Variants in BIRC6 observed in about 807,000 individuals in gnomAD.
The protein encoded by BIRC6 is baculoviral IAP repeat containing 6.
In BIRC6, 98 loss-of-function variants were observed where a neutral mutation model predicts 503.3. The ratio of observed to expected loss-of-function variants is 0.19; its 90% CI spans 0.17 to 0.23. The LOEUF (loss-of-function observed/expected upper bound fraction) is 0.23. Ranked by LOEUF, BIRC6 falls within the 10% of genes least tolerant of loss-of-function variation. The pLI, the probability that BIRC6 is intolerant of heterozygous loss-of-function variation, is 1.00. For synonymous variants in BIRC6, 2,240 were observed against 2,078.7 expected (o/e 1.08, Z -2.11); for missense variants, 5,360 against 5,806.0 (o/e 0.92, Z 2.50).
rs776703202 is a variant in BIRC6 at position 32,411,409 on chromosome 2, A to G, written c.1478-3360A>G. On this transcript the variant is annotated intron_variant, in intron 9 of 73. Transcript: ENST00000421745. ...AAATCATTAAGGCAATTATATATATATATATATATTTTATTTTTTTATTTT... is the reference window on the plus strand; with the variant it reads ...AAATCATTAAGGCAATTATATATATGTATATATATTTTATTTTTTTATTTT... Among the ~76,000 whole-genome samples the G allele has an allele frequency of 7.9e-3, 1,175 of 147,862 alleles. 9 individuals are homozygous for G. The highest frequency in any genetic ancestry group is 0.021 in the Middle Eastern group (6 of 282).
chr2:32,358,838 C>T (rs1045075964), intron 1 of BIRC6, among the ~76,000 whole-genome samples: 2 of 152,056 alleles, frequency 1.3e-5, no homozygotes, highest in African/African-American at 4.8e-5. Context: ...TTTTTCTTTT[C>T]TTGGCTTAGG....
intron 3 of BIRC6, among the ~76,000 whole-genome samples, chr2:32,386,637 G>A (rs1410750911): frequency 6.6e-6 from 1 of 152,018 alleles, no homozygotes; most frequent in African/African-American, 2.4e-5. Context: ...ATGAGATCTT[G>A]CTATGTTGAC....
intron 31 of BIRC6, 72 bp from the exon 32 acceptor site, chr2:32,470,942 T>G: frequency 6.9e-7 from 1 of 1,442,336 alleles, no homozygotes; most frequent in Non-Finnish European, 9.4e-7. Flanking sequence ...TTTGTTTCAC[T>G]TATATTATCA....
At position 32,392,094 on chromosome 2, in the gene BIRC6, G is replaced by A; in HGVS notation, c.895G>A (p.Val299Ile). ...GGAGACATTTACCTCATGGCCTCAT[G>A]TAGGCTATAGGTGGGCACAACCAGA... is the stretch of plus-strand genomic sequence containing the variant. ...RRETFTSWPHVGYRWAQPDPM... is the reference protein window; with the variant it reads ...RRETFTSWPHIGYRWAQPDPM... The change falls in exon 5 of 74, where the codon GTA (valine) becomes ATA (isoleucine). Residue 299 changes from valine to isoleucine, a missense_variant. By Grantham distance (29) the Val-to-Ile change is conservative (BLOSUM62 3). Around this residue, in one of 16 missense-constraint regions of BIRC6, gnomAD observed 92 missense variants for 176.7 expected, o/e 0.52. Coordinates refer to ENST00000421745, the MANE Select transcript of BIRC6 (RefSeq NM_016252.4). 6.3e-7 allele frequency: 1 copy of A among 1,599,260 alleles called. No individual in the cohort carries two copies. Among genetic ancestry groups the A allele is most frequent in the Non-Finnish European group, 8.5e-7 (1 of 1,172,270 alleles).
At chr2:32,363,313 C>T (rs2034399248) in intron 1 of BIRC6, among the ~76,000 whole-genome samples, 1 of 152,140 alleles carries the variant, frequency 6.6e-6, no homozygotes, top group Admixed American at 6.5e-5. Flanking sequence ...CAGAGCAAGA[C>T]TCTGTCTCAA....
At chr2:32,604,835 C>T (rs2062322893) in intron 71 of BIRC6, among the ~76,000 whole-genome samples, 1 of 151,708 alleles carries the variant, frequency 6.6e-6, no homozygotes. Flanking sequence ...CACTCTGGTA[C>T]TAAGCGTAGT....
intron 54 of BIRC6, among the ~76,000 whole-genome samples, chr2:32,514,551 A>G (rs1447461445): frequency 6.6e-6 from 1 of 152,196 alleles, no homozygotes; most frequent in Non-Finnish European, 1.5e-5. Flanking sequence ...ATTTGGCCTT[A>G]GCGATTGGCA....
chr2:32,488,863 C>T (rs2051325020), intron 42 of BIRC6, 149 bp downstream of exon 42: 1 of 564,540 alleles, frequency 1.8e-6, no homozygotes, highest in African/African-American at 2.0e-5. Context: ...GATGCACTAA[C>T]TTACCGATTA....
chr2:32,533,378 A>G (rs556733558), intron 61 of BIRC6, among the ~76,000 whole-genome samples: 1 of 152,346 alleles, frequency 6.6e-6, no homozygotes, highest in East Asian at 1.9e-4. Context: ...TGAAAGTACA[A>G]CCTGTCTTTT....
chr2:32,372,601 G>A (rs1434453973), intron 1 of BIRC6, among the ~76,000 whole-genome samples: 1 of 152,092 alleles, frequency 6.6e-6, no homozygotes, highest in Non-Finnish European at 1.5e-5. Context: ...CCAGCACTTA[G>A]GGAGGCTGAG....
At chr2:32,446,754 T>A (rs980614211) in intron 21 of BIRC6, among the ~76,000 whole-genome samples, 1 of 134,596 alleles carries the variant, frequency 7.4e-6, no homozygotes. Flanking sequence ...TTTTTTTTTT[T>A]TTTTTTTTTT....
chr2:32,584,860 G>C (rs1212054160), intron 66 of BIRC6, among the ~76,000 whole-genome samples: 1 of 152,114 alleles, frequency 6.6e-6, no homozygotes, highest in African/African-American at 2.4e-5. Context: ...CCCTGGGCTA[G>C]TGTTTGAAAA....
intron 39 of BIRC6, among the ~76,000 whole-genome samples, chr2:32,482,954 G>A (rs1363744508): frequency 1.4e-5 from 2 of 142,310 alleles, no homozygotes; most frequent in Non-Finnish European, 3.0e-5. Flanking sequence ...GTCTTGTTCT[G>A]TTGCCCAGGC....
In BIRC6 at chr2:32,467,551, T is replaced by A; in HGVS notation, c.5383T>A (p.Phe1795Ile). 1 of 1,613,904 alleles carries A rather than the reference T, an allele frequency of 6.2e-7. No individual in the cohort carries two copies. Among genetic ancestry groups the A allele is most frequent in the East Asian group, 2.2e-5 (1 of 44,862 alleles). ...SGARRFVTLD[F>I]GRPILLTDVL... ...AGCAAGAAGATTTGTGACCTTGGAT[T>A]TTGGGAGGCCTATATTGTTGACTGA... Residue 1795 changes from phenylalanine (F) to isoleucine (I), a missense_variant, in exon 27 of 74, where the codon TTT (phenylalanine) becomes ATT (isoleucine). This residue lies in a region of BIRC6 where 2,299 missense variants were observed against 2,267.2 expected (regional missense o/e 1.01). Transcript: ENST00000421745.
rs960343745 is a variant in BIRC6, at chr2:32,574,834, C to T, written c.13145-322C>T. On this transcript the variant is annotated intron_variant, in intron 65 of 73. Coordinates refer to ENST00000421745, the MANE Select transcript of BIRC6 (RefSeq NM_016252.4). ...CATGATCTTGGCTCACTATAGTCTC[C>T]GCCTCCCAGGTTCAAACAGTTCTCC... 15 of 349,530 alleles carry T rather than the reference C, an allele frequency of 4.3e-5. 1 individual carries two copies. Among genetic ancestry groups the T allele is most frequent in the South Asian group, 1.5e-4 (6 of 40,168 alleles). The allele number at this position is 349,530 out of a possible 1,614,324, so 21.7% of individuals were successfully genotyped here. A position where few individuals can be genotyped will look rare whatever the true frequency, so the allele number is the denominator to read the frequency against.
chr2:32,478,077 A>G (rs2049969256), intron 35 of BIRC6, among the ~76,000 whole-genome samples: 1 of 152,092 alleles, frequency 6.6e-6, no homozygotes, highest in Non-Finnish European at 1.5e-5. Context: ...GTGGTGCTTC[A>G]CACCTGTAAT....
chr2:32,608,454 G>A (rs897518982), intron 72 of BIRC6, among the ~76,000 whole-genome samples: 5 of 151,204 alleles, frequency 3.3e-5, no homozygotes, highest in African/African-American at 4.9e-5. Flanking sequence ...CGTTCTCGTT[G>A]CCCAGGCTGG....
At chr2:32,536,344 C>T (rs2150130079) in intron 61 of BIRC6, among the ~76,000 whole-genome samples, 1 of 152,220 alleles carries the variant, frequency 6.6e-6, no homozygotes, top group East Asian at 1.9e-4. Context: ...GCTTTTGTTG[C>T]CATTGCTTTT....
At chr2:32,467,086 T>C (rs2148930823) in intron 26 of BIRC6, among the ~76,000 whole-genome samples, 1 of 143,824 alleles carries the variant, frequency 7.0e-6, no homozygotes, top group South Asian at 2.2e-4. Context: ...GCCACTGCAC[T>C]CCAGCCTGGG....
Sources: gnomAD v4.1 joint callset for allele counts (sites outside exome capture counted in the v4.1 genomes callset) on GRCh38, gnomAD v4.1.1 for gene constraint, gnomAD v4.1.1 regional missense constraint, MANE v1.5 for transcripts, NCBI Gene and HGNC (gene_info 2026-07-23, HGNC 2026-07-21) for gene names.